Variants in TTI1 observed in about 807,000 individuals in gnomAD.
TTI1 encodes TELO2 interacting protein 1.
In TTI1, 52 loss-of-function variants were observed where a neutral mutation model predicts 85.4. That is an observed-to-expected ratio of 0.61 (90% CI 0.49 to 0.77). The LOEUF (loss-of-function observed/expected upper bound fraction) is 0.77. Ranked by LOEUF, TTI1 falls within the 30% of genes least tolerant of loss-of-function variation. The probability of loss-of-function intolerance (pLI) is 0.00; values close to 1 mark genes in which losing one functional copy is unlikely to be tolerated. For missense variants in TTI1, 1,173 were observed against 1,296.0 expected (o/e 0.91, Z 1.46); for synonymous variants, 512 against 503.9 (o/e 1.02, Z -0.22).
intron 7 of TTI1, among the ~76,000 whole-genome samples, chr20:37,986,054 G>A (rs139422985): frequency 8.5e-5 from 13 of 152,258 alleles, no homozygotes; most frequent in East Asian, 1.9e-4. Flanking sequence ...ATGAAAAAAC[G>A]CACCAAAAGC....
chr20:38,011,617 C>A lies in TTI1; in HGVS notation c.2200G>T (p.Val734Leu), dbSNP rs766282000. The A allele has an allele frequency of 1.9e-6, 3 of 1,614,202 alleles. No individual in the cohort carries two copies. The highest frequency in any genetic ancestry group is 3.3e-5 in the Admixed American group (2 of 60,028). ...AAGACATCTTGAACCACATCTGCCA[C>A]CAAAGGAAGCAGGTTAGCATCTGAG... is the stretch of plus-strand genomic sequence containing the variant. The part of the protein sequence containing the change: ...RNSDANLLPL[V>L]ADVVQDVLAT... The change falls in exon 2 of 8, where the codon GTG (valine) becomes TTG (leucine). Residue 734 changes from valine (V) to leucine (L), a missense_variant. Val to Leu is a conservative substitution (Grantham distance 32). Coordinates refer to ENST00000373447, the MANE Select transcript of TTI1 (RefSeq NM_001303457.2).
Position 37,983,268 on chromosome 20 carries a change from T to C in TTI1, c.*188A>G. The C allele has an allele frequency of 1.7e-6, 1 of 601,496 alleles. No individual in the cohort carries two copies. Among genetic ancestry groups the C allele is most frequent in the Non-Finnish European group, 2.8e-6 (1 of 352,650 alleles). 37.3% of individuals were successfully genotyped at this position (601,496 alleles called of 1,614,324 possible). A position where few individuals can be genotyped will look rare whatever the true frequency, so the allele number is the denominator to read the frequency against. ...GACAACACAAGGTATGAAACATAAA[T>C]AATAGTCAGCTACTTTCCTTCAATC... On this transcript the variant is annotated 3_prime_UTR_variant, in exon 8 of 8. Coordinates refer to ENST00000373447, the MANE Select transcript of TTI1 (RefSeq NM_001303457.2).
intron 7 of TTI1, among the ~76,000 whole-genome samples, chr20:37,992,260 T>C (rs939151367): frequency 1.3e-5 from 2 of 152,220 alleles, no homozygotes; most frequent in East Asian, 3.9e-4. Context: ...ATGAGACTTG[T>C]TGGGCACTGA....
chr20:38,002,812 G>C (rs754825363), intron 3 of TTI1, 36 bp from the exon 4 acceptor site: 1 of 1,605,582 alleles, frequency 6.2e-7, no homozygotes, highest in East Asian at 2.2e-5. Flanking sequence ...AGTGTTGTAT[G>C]AGTGATAAAA....
chr20:38,019,841 G>T (rs1228503997), intron 1 of TTI1, among the ~76,000 whole-genome samples: 2 of 152,096 alleles, frequency 1.3e-5, no homozygotes, highest in Non-Finnish European at 2.9e-5. Flanking sequence ...CTGTATCTTG[G>T]CCATCCATCT....
intron 7 of TTI1, among the ~76,000 whole-genome samples, chr20:37,989,361 T>A (rs1483748907): frequency 6.6e-6 from 1 of 152,214 alleles, no homozygotes; most frequent in Non-Finnish European, 1.5e-5. Flanking sequence ...AAGCAAATGA[T>A]GCTAACCATA....
At chr20:38,004,764 A>G (rs923436288) in intron 3 of TTI1, among the ~76,000 whole-genome samples, 1 of 152,240 alleles carries the variant, frequency 6.6e-6, no homozygotes, top group Non-Finnish European at 1.5e-5. Context: ...AACTAACACC[A>G]GAAGATCCTA....
intron 1 of TTI1, chr20:38,019,277 C>G (rs373975603): frequency 6.6e-6 from 1 of 151,324 alleles, no homozygotes; most frequent in African/African-American, 2.4e-5. Context: ...AAGCATGGAA[C>G]TATAAGAGGG....
Position 37,996,749 on chromosome 20 carries a change from C to A in TTI1, c.2998G>T (p.Gly1000Cys). 1 of 1,606,158 alleles carries A rather than the reference C, an allele frequency of 6.2e-7. No individual in the cohort carries two copies. The highest frequency in any genetic ancestry group is 1.1e-5 in the South Asian group (1 of 90,372). The part of the protein sequence containing the change: ...LGPLCERLDL[G>C]EGDLNKVADA... ...TCAGGTGGAACTGCCTGGTACCCACCTAGGTCCAGTCTCTCACAGAGGGGG... is the reference window on the plus strand; with the variant it reads ...TCAGGTGGAACTGCCTGGTACCCACATAGGTCCAGTCTCTCACAGAGGGGG... The change falls in exon 6 of 8, where the codon GGT (glycine) becomes TGT (cysteine). Residue 1000 changes from glycine to cysteine, a missense_variant and splice_region_variant. Transcript: ENST00000373447.
intron 1 of TTI1, among the ~76,000 whole-genome samples, chr20:38,014,427 A>T (rs987074870): frequency 2.0e-5 from 3 of 151,878 alleles, no homozygotes; most frequent in Admixed American, 6.6e-5. Flanking sequence ...GGAGGTAACC[A>T]CTCTTATGAC....
intron 1 of TTI1, among the ~76,000 whole-genome samples, chr20:38,017,458 C>G (rs1033096373): frequency 4.0e-5 from 6 of 150,514 alleles, no homozygotes; most frequent in Middle Eastern, 3.4e-3. Context: ...TTGGTGTGTG[C>G]GCACGAGCCT....
intron 1 of TTI1, among the ~76,000 whole-genome samples, chr20:38,022,788 TGAA>T (rs1274123269): frequency 6.6e-6 from 1 of 152,216 alleles, no homozygotes; most frequent in Non-Finnish European, 1.5e-5. Flanking sequence ...CTTTCCCTTC[TGAA>T]GAACAAGTCG....
At chr20:37,995,000 T>G (rs531909555) in intron 7 of TTI1, among the ~76,000 whole-genome samples, 10 of 152,326 alleles carry the variant, frequency 6.6e-5, no homozygotes, top group African/African-American at 2.2e-4. Flanking sequence ...CCTTTAACTC[T>G]TGGTTGTAAT....
At chr20:38,030,904 CA>C (rs1413653757) in intron 1 of TTI1, among the ~76,000 whole-genome samples, 2 of 152,212 alleles carry the variant, frequency 1.3e-5, no homozygotes, top group Non-Finnish European at 1.5e-5. Flanking sequence ...TCTCCAAACC[CA>C]CTCTTTTCTG....
At position 38,011,870 on chromosome 20, in the gene TTI1, C is replaced by T. The variant is rs1317050016; in HGVS notation, c.1947G>A (p.Leu649=). Residue 649 remains leucine (L), a synonymous_variant, in exon 2 of 8, where the codon TTG becomes TTA. Transcript: ENST00000373447. ...YALGKDFCLL[L]MSALYPVLEK... ...CCAGTACTGGATAAAGGGCTGACATCAAGAGCAAACAGAAGTCTTTTCCTA... is the reference window on the plus strand; with the variant it reads ...CCAGTACTGGATAAAGGGCTGACATTAAGAGCAAACAGAAGTCTTTTCCTA... 6.2e-7 allele frequency: 1 copy of T among 1,614,226 alleles called. No homozygotes were observed. Among genetic ancestry groups the T allele is most frequent in the Admixed American group, 1.7e-5 (1 of 60,032 alleles).
At chr20:38,014,721 A>G (rs2073656460) in intron 1 of TTI1, among the ~76,000 whole-genome samples, 1 of 152,162 alleles carries the variant, frequency 6.6e-6, no homozygotes, top group Non-Finnish European at 1.5e-5. Flanking sequence ...GGCAAAGGAG[A>G]AAGGATTACA....
chr20:38,033,231 A>G (rs1485404911), intron 1 of TTI1, among the ~76,000 whole-genome samples, 173 bp downstream of exon 1: 2 of 152,194 alleles, frequency 1.3e-5, no homozygotes, highest in Non-Finnish European at 2.9e-5. Context: ...GGGGACAGCC[A>G]GAGAGCCGAA....
At chr20:38,030,718 T>C in intron 1 of TTI1, among the ~76,000 whole-genome samples, 1 of 152,174 alleles carries the variant, frequency 6.6e-6, no homozygotes, top group Non-Finnish European at 1.5e-5. Flanking sequence ...TGTTGAAGAA[T>C]CCTAGGACTC....
rs571496659 is a variant in TTI1, at chr20:38,013,753, T to C, written c.64A>G (p.Thr22Ala). 4 of 1,614,136 alleles carry C rather than the reference T, an allele frequency of 2.5e-6. No individual in the cohort carries two copies. Among genetic ancestry groups the C allele is most frequent in the East Asian group, 4.5e-5 (2 of 44,890 alleles). The change falls in exon 2 of 8, where the codon ACA (threonine) becomes GCA (alanine). Residue 22 changes from threonine to alanine, a missense_variant. Physicochemically the swap from Thr to Ala is moderately conservative, Grantham distance 58. Transcript: ENST00000373447. ...ACATTCTCCACTGTCTGGGTCTTTG[T>C]GAGCTGAACACAGACTGGACGTAAG... Reference protein sequence around the residue: ...GVLRPVCVQLTKTQTVENVEH... With the variant: ...GVLRPVCVQLAKTQTVENVEH...
Sources: gnomAD v4.1 joint callset for allele counts (sites outside exome capture counted in the v4.1 genomes callset) on GRCh38, gnomAD v4.1.1 for gene constraint, MANE v1.5 for transcripts, NCBI Gene and HGNC (gene_info 2026-07-23, HGNC 2026-07-21) for gene names.